The following PTPRD variants were observed in gnomAD, a reference collection of about 807,000 sequenced individuals.
PTPRD encodes the protein protein tyrosine phosphatase receptor type D.
A neutral mutation model predicts 214.5 loss-of-function variants in PTPRD; 34 were observed. That is an observed-to-expected ratio of 0.16 (90% CI 0.12 to 0.21). PTPRD has a LOEUF of 0.21. Among genes scored for constraint, PTPRD ranks in the 10% least tolerant of loss-of-function variants. PTPRD has a pLI of 1.00. For synonymous variants in PTPRD, 1,128 were observed against 845.7 expected (o/e 1.33, Z -5.79); for missense variants, 2,545 against 2,398.7 (o/e 1.06, Z -1.27).
At position 8,562,875 on chromosome 9, in the gene PTPRD, T is replaced by A. The variant is rs1177303680; in HGVS notation, c.353-34096A>T. On this transcript the variant is annotated intron_variant, in intron 14 of 45. Coordinates refer to ENST00000381196, the MANE Select transcript of PTPRD (RefSeq NM_002839.4). The stretch of plus-strand genomic sequence containing the variant: ...TTTTTTTTTTTTTGCAGAGGTTTTA[T>A]GGTATTATGATTTACATTTAGATCT... Among the ~76,000 whole-genome samples the A allele has an allele frequency of 2.6e-5, 4 of 151,808 alleles. No homozygotes were observed. The East Asian group carries it at 5.8e-4, about 22-fold the overall frequency.
intron 3 of PTPRD, among the ~76,000 whole-genome samples, chr9:10,274,724 G>C (rs1478919770): frequency 6.6e-6 from 1 of 152,088 alleles, no homozygotes; most frequent in East Asian, 1.9e-4. Context: ...TTGAAATAAA[G>C]AAAAGCTATT....
chr9:10,004,461 T>C (rs563006039), intron 4 of PTPRD, among the ~76,000 whole-genome samples: 26 of 152,108 alleles, frequency 1.7e-4, no homozygotes, highest in African/African-American at 6.3e-4. Context: ...ATTCACATCA[T>C]TTTCTTTTCT....
Position 9,826,269 on chromosome 9 carries a change from CA to C in PTPRD, c.-367-59419del, listed in dbSNP as rs1212581328. On this transcript the variant is annotated intron_variant, in intron 5 of 45. Transcript: ENST00000381196. ...CTTATCTTCTTTCTAGTTCAGTCTTCATTTCTGAAATGATTTTCTTTTATCT... is the reference window on the plus strand; with the variant it reads ...CTTATCTTCTTTCTAGTTCAGTCTTCTTTCTGAAATGATTTTCTTTTATCT... Among the ~76,000 whole-genome samples, 3 of 151,740 alleles carry C rather than the reference CA, an allele frequency of 2.0e-5. No homozygotes were observed. The Admixed American group carries it at 2.0e-4, about 10-fold the overall frequency.
In PTPRD at chr9:9,975,048, G is replaced by A. The variant is rs531395924; in HGVS notation, c.-471-36438C>T. Among the ~76,000 whole-genome samples, 411 of 144,972 alleles carry A rather than the reference G, an allele frequency of 2.8e-3. 1 individual carries two copies. The highest frequency in any genetic ancestry group is 0.01 in the African/African-American group (374 of 36,420). On this transcript the variant is annotated intron_variant, in intron 4 of 45. Coordinates refer to ENST00000381196, the MANE Select transcript of PTPRD (RefSeq NM_002839.4). The stretch of plus-strand genomic sequence containing the variant: ...TTGAGATTTTCTAAACACAGGAGAA[G>A]GTCGTATCACAATCAACTGAGGATT...
intron 8 of PTPRD, among the ~76,000 whole-genome samples, chr9:9,543,236 T>A (rs921504081): frequency 6.6e-6 from 1 of 151,702 alleles, no homozygotes; most frequent in Non-Finnish European, 1.5e-5. Flanking sequence ...TTTACATGAA[T>A]TTTAAGAATA....
chr9:9,399,300 C>G (rs2141269042), intron 8 of PTPRD, among the ~76,000 whole-genome samples: 1 of 152,100 alleles, frequency 6.6e-6, no homozygotes, highest in Admixed American at 6.6e-5. Context: ...TGTACCTAAG[C>G]ATAGAATGTG....
Position 8,315,515 on chromosome 9 carries a change from A to T in PTPRD, c.*2359T>A, listed in dbSNP as rs951829925. 30 of 232,056 alleles carry T rather than the reference A, an allele frequency of 1.3e-4. No homozygotes were observed. The highest frequency in any genetic ancestry group is 6.2e-4 in the African/African-American group (28 of 45,358). 14.4% of individuals were successfully genotyped at this position (232,056 alleles called of 1,614,324 possible). On this transcript the variant is annotated 3_prime_UTR_variant, in exon 46 of 46. Coordinates refer to ENST00000381196, the MANE Select transcript of PTPRD (RefSeq NM_002839.4). ...GGCACTTGGATAAATCTCCAAAAAG[A>T]TACAAACTAAAAGAAAATAATGATA...
At chr9:10,032,265 A>C (rs1406526970) in intron 4 of PTPRD, among the ~76,000 whole-genome samples, 4 of 152,194 alleles carry the variant, frequency 2.6e-5, no homozygotes, top group Non-Finnish European at 5.9e-5. Flanking sequence ...ATAGTGTAAC[A>C]TCTTGTAGCC....
At chr9:9,943,184 T>C (rs1399940998) in intron 4 of PTPRD, among the ~76,000 whole-genome samples, 1 of 152,128 alleles carries the variant, frequency 6.6e-6, no homozygotes, top group Non-Finnish European at 1.5e-5. Flanking sequence ...ACCAGATTAG[T>C]ACCTGGAACT....
At chr9:8,320,538 C>T (rs1005855824) in intron 44 of PTPRD, among the ~76,000 whole-genome samples, 3 of 151,102 alleles carry the variant, frequency 2.0e-5, no homozygotes, top group Non-Finnish European at 1.5e-5. Context: ...ACTTAGTCTT[C>T]AGGAGGGTTT....
intron 5 of PTPRD, among the ~76,000 whole-genome samples, chr9:9,865,824 GA>G (rs777939152): frequency 1.3e-5 from 2 of 152,158 alleles, no homozygotes; most frequent in Non-Finnish European, 2.9e-5. Flanking sequence ...GCCGATTAAA[GA>G]TAATTTAGCT....
intron 9 of PTPRD, among the ~76,000 whole-genome samples, chr9:9,314,479 T>C (rs1219274271): frequency 6.6e-6 from 1 of 152,098 alleles, no homozygotes. Context: ...GTTGTTGCAG[T>C]TTTTGGTAGT....
chr9:8,894,738 A>G (rs1365257076), intron 11 of PTPRD, among the ~76,000 whole-genome samples: 2 of 152,192 alleles, frequency 1.3e-5, no homozygotes, highest in Non-Finnish European at 2.9e-5. Context: ...TTTTGGGGTA[A>G]AACGGCGTAT....
chr9:9,648,841 C>T (rs1030201348), intron 7 of PTPRD, among the ~76,000 whole-genome samples: 1 of 152,072 alleles, frequency 6.6e-6, no homozygotes, highest in Admixed American at 6.5e-5. Context: ...CTCAAATAAG[C>T]TGTAGATGGG....
intron 8 of PTPRD, among the ~76,000 whole-genome samples, chr9:9,433,180 A>G (rs1042181986): frequency 1.3e-5 from 2 of 152,210 alleles, no homozygotes; most frequent in African/African-American, 4.8e-5. Flanking sequence ...ATGATTTTGC[A>G]TTGCCAGACC....
chr9:10,605,530 G>C (rs778552587), intron 2 of PTPRD, among the ~76,000 whole-genome samples: 1 of 151,792 alleles, frequency 6.6e-6, no homozygotes, highest in Non-Finnish European at 1.5e-5. Flanking sequence ...AGAAATTCCA[G>C]TGGAAAACAG....
chr9:10,324,694 T>C (rs2096612669), intron 3 of PTPRD, among the ~76,000 whole-genome samples: 1 of 152,008 alleles, frequency 6.6e-6, no homozygotes, highest in Admixed American at 6.6e-5. Context: ...GTATTCCTAT[T>C]GATCACCCCG....
At chr9:9,583,641 T>C (rs1313316143) in intron 7 of PTPRD, among the ~76,000 whole-genome samples, 1 of 152,092 alleles carries the variant, frequency 6.6e-6, no homozygotes, top group Non-Finnish European at 1.5e-5. Flanking sequence ...GATCCTTTCA[T>C]TTCTGGAGAT....
intron 10 of PTPRD, among the ~76,000 whole-genome samples, chr9:9,135,951 C>T (rs776626334): frequency 6.6e-6 from 1 of 151,414 alleles, no homozygotes; most frequent in Non-Finnish European, 1.5e-5. Context: ...GACAATAAAA[C>T]GTTATTTTTT....
Sources: allele counts gnomAD v4.1 joint callset (sites outside exome capture counted in the v4.1 genomes callset), GRCh38; gene constraint gnomAD v4.1.1; transcripts MANE v1.5; gene names NCBI Gene and HGNC (gene_info 2026-07-23, HGNC 2026-07-21).